Variants in PTPRM observed in about 807,000 individuals in gnomAD.
PTPRM encodes receptor-type tyrosine-protein phosphatase mu.
A neutral mutation model predicts 186.7 loss-of-function variants in PTPRM; 47 were observed. That is an observed-to-expected ratio of 0.25 (90% CI 0.20 to 0.32). The LOEUF is 0.32. Ranked by LOEUF, PTPRM falls within the 10% of genes least tolerant of loss-of-function variation. PTPRM has a pLI of 1.00. For synonymous variants in PTPRM, 668 were observed against 674.9 expected, an observed-to-expected ratio of 0.99 and a Z score of 0.16; for missense variants, 1,494 against 1,865.0, an observed-to-expected ratio of 0.80 and a Z score of 3.66.
At chr18:8,313,034 C>T (rs1015423188) in intron 20 of PTPRM, among the ~76,000 whole-genome samples, 5 of 152,202 alleles carry the variant, frequency 3.3e-5, no homozygotes, top group South Asian at 2.1e-4. Flanking sequence ...TTGACTTTCA[C>T]CCATTAGCAT....
chr18:7,698,858 T>C (rs1598394391), intron 1 of PTPRM, among the ~76,000 whole-genome samples: 1 of 152,316 alleles, frequency 6.6e-6, no homozygotes, highest in East Asian at 1.9e-4. Flanking sequence ...AGCACCTTTC[T>C]TATATTATTG....
At chr18:8,260,562 C>G (rs1300732754) in intron 19 of PTPRM, among the ~76,000 whole-genome samples, 2 of 152,156 alleles carry the variant, frequency 1.3e-5, no homozygotes, top group Non-Finnish European at 2.9e-5. Flanking sequence ...CATGAGGGAT[C>G]TACTCCCCTG....
intron 1 of PTPRM, among the ~76,000 whole-genome samples, chr18:7,755,917 AG>A (rs756920389): frequency 3.3e-5 from 5 of 151,478 alleles, no homozygotes; most frequent in Non-Finnish European, 5.9e-5. Context: ...CCACTTGCAC[AG>A]GGGTAAGTTG....
intron 7 of PTPRM, among the ~76,000 whole-genome samples, chr18:7,999,095 A>G (rs926236519): frequency 3.9e-5 from 6 of 152,192 alleles, no homozygotes; most frequent in African/African-American, 1.2e-4. Context: ...AGCTCAGGAC[A>G]CAGGTGGGAA....
chr18:8,143,035 T>A (rs1359361884), intron 13 of PTPRM, among the ~76,000 whole-genome samples: 1 of 152,188 alleles, frequency 6.6e-6, no homozygotes, highest in Non-Finnish European at 1.5e-5. Flanking sequence ...GGTGTGATCA[T>A]CAGCCGCTTC....
chr18:7,985,852 G>A (rs2082937097), intron 7 of PTPRM, among the ~76,000 whole-genome samples: 1 of 151,924 alleles, frequency 6.6e-6, no homozygotes, highest in Non-Finnish European at 1.5e-5. Context: ...ATTCTTTCAT[G>A]ATTAGTATTT....
At chr18:7,834,890 A>T (rs1362963472) in intron 2 of PTPRM, among the ~76,000 whole-genome samples, 1 of 149,152 alleles carries the variant, frequency 6.7e-6, no homozygotes, top group Non-Finnish European at 1.5e-5. Context: ...TTTCCAATTT[A>T]TTGGCATATA....
intron 1 of PTPRM, among the ~76,000 whole-genome samples, chr18:7,701,691 A>G (rs2039970616): frequency 6.6e-6 from 1 of 152,092 alleles, no homozygotes; most frequent in Non-Finnish European, 1.5e-5. Flanking sequence ...TCAAAAAATG[A>G]TGGACTTCCT....
intron 32 of PTPRM, among the ~76,000 whole-genome samples, chr18:8,401,789 A>G (rs190885003): frequency 6.6e-6 from 1 of 152,348 alleles, no homozygotes; most frequent in Admixed American, 6.5e-5. Flanking sequence ...GGCTTTTAAC[A>G]GCCAACCTCA....
At chr18:7,826,366 C>T (rs182046669) in intron 2 of PTPRM, among the ~76,000 whole-genome samples, 6 of 152,334 alleles carry the variant, frequency 3.9e-5, no homozygotes, top group Non-Finnish European at 5.9e-5. Flanking sequence ...TTGCTCTTCC[C>T]GTACAGCAAG....
At chr18:7,680,258 G>C (rs945198967) in intron 1 of PTPRM, among the ~76,000 whole-genome samples, 1 of 152,148 alleles carries the variant, frequency 6.6e-6, no homozygotes, top group Non-Finnish European at 1.5e-5. Context: ...AAATGTGATG[G>C]AGGGGCAGGC....
intron 1 of PTPRM, among the ~76,000 whole-genome samples, chr18:7,635,667 C>T (rs973943138): frequency 2.1e-4 from 32 of 152,172 alleles, no homozygotes; most frequent in African/African-American, 7.2e-4. Context: ...TTAAGTAGCT[C>T]TGAAGTTTGC....
intron 13 of PTPRM, among the ~76,000 whole-genome samples, chr18:8,139,335 T>C (rs943997262): frequency 3.3e-5 from 5 of 152,178 alleles, no homozygotes; most frequent in Admixed American, 3.3e-4. Context: ...GTGTCTCAAG[T>C]TTGATGGCAT....
chr18:7,986,252 G>C (rs2082957225), intron 7 of PTPRM, among the ~76,000 whole-genome samples: 1 of 152,186 alleles, frequency 6.6e-6, no homozygotes, highest in African/African-American at 2.4e-5. Context: ...ACGCATACAA[G>C]AAATTAAAGC....
chr18:7,845,828 G>A (rs2046565974), intron 2 of PTPRM, among the ~76,000 whole-genome samples: 1 of 152,096 alleles, frequency 6.6e-6, no homozygotes, highest in Admixed American at 6.5e-5. Context: ...CCAAGGTGCA[G>A]ATTAGCATAC....
chr18:8,282,028 C>A (rs2094909213), intron 19 of PTPRM, among the ~76,000 whole-genome samples: 1 of 151,966 alleles, frequency 6.6e-6, no homozygotes, highest in Non-Finnish European at 1.5e-5. Context: ...AAAATATTTA[C>A]AAACTACATA....
At chr18:8,121,700 A>G (rs1413839451) in intron 13 of PTPRM, among the ~76,000 whole-genome samples, 2 of 152,234 alleles carry the variant, frequency 1.3e-5, no homozygotes, top group Non-Finnish European at 2.9e-5. Flanking sequence ...AAATTTAGAT[A>G]TCAGAGAAAT....
intron 1 of PTPRM, among the ~76,000 whole-genome samples, chr18:7,594,150 A>G (rs543528096): frequency 1.3e-5 from 2 of 152,324 alleles, no homozygotes; most frequent in East Asian, 3.9e-4. Flanking sequence ...ATTTATAGAC[A>G]AAATAGTAAA....
chr18:7,746,830 G>T (rs910395113), intron 1 of PTPRM, among the ~76,000 whole-genome samples: 1 of 152,286 alleles, frequency 6.6e-6, no homozygotes, highest in East Asian at 1.9e-4. Flanking sequence ...TACCAGCCAC[G>T]TGGTGGCTGG....
Sources: allele counts gnomAD v4.1 joint callset (sites outside exome capture counted in the v4.1 genomes callset), GRCh38; gene constraint gnomAD v4.1.1; transcripts MANE v1.5; gene names NCBI Gene and HGNC (gene_info 2026-07-23, HGNC 2026-07-21).